Variants in TENM2 observed in about 807,000 individuals in gnomAD.
The protein encoded by TENM2 is teneurin transmembrane protein 2.
Under a neutral mutation model 245.2 loss-of-function variants are expected in TENM2, and 52 were observed. The ratio of observed to expected loss-of-function variants is 0.21; its 90% CI spans 0.17 to 0.27. The LOEUF (loss-of-function observed/expected upper bound fraction) is 0.27, where lower values mean the gene tolerates loss of function less well. Ranked by LOEUF, TENM2 falls within the 10% of genes least tolerant of loss-of-function variation. The pLI is 1.00. For missense variants in TENM2, 3,046 were observed against 3,666.8 expected (o/e 0.83, Z 4.37); for synonymous variants, 1,363 against 1,438.9 (o/e 0.95, Z 1.19).
At chr5:167,438,961 T>C (rs1764733736) in intron 2 of TENM2, among the ~76,000 whole-genome samples, 1 of 151,812 alleles carries the variant, frequency 6.6e-6, no homozygotes, top group Non-Finnish European at 1.5e-5. Flanking sequence ...GCTCGGCTAG[T>C]TTTTTGTATT....
chr5:167,691,507 T>G (rs1283375299), intron 2 of TENM2, among the ~76,000 whole-genome samples: 4 of 152,196 alleles, frequency 2.6e-5, no homozygotes, highest in African/African-American at 9.6e-5. Flanking sequence ...TCAGTTTAAA[T>G]TGAATAGTGT....
At chr5:168,008,816 G>C (rs1785015181) in intron 5 of TENM2, among the ~76,000 whole-genome samples, 1 of 152,120 alleles carries the variant, frequency 6.6e-6, no homozygotes, top group Non-Finnish European at 1.5e-5. Context: ...TTCTCTAAAA[G>C]CATGGTTGGC....
chr5:167,055,311 T>C, the TENM2 span, among the ~76,000 whole-genome samples: 1 of 152,134 alleles, frequency 6.6e-6, no homozygotes, highest in Non-Finnish European at 1.5e-5. Flanking sequence ...CTTGCTCCAT[T>C]GTATTGCTTT....
chr5:167,156,526 G>A, the TENM2 span, among the ~76,000 whole-genome samples: 1 of 152,142 alleles, frequency 6.6e-6, no homozygotes, highest in African/African-American at 2.4e-5. Flanking sequence ...CATTGCTCCT[G>A]AGGAGCTCTG....
At chr5:167,456,221 T>C (rs1432010568) in intron 2 of TENM2, among the ~76,000 whole-genome samples, 1 of 152,196 alleles carries the variant, frequency 6.6e-6, no homozygotes, top group Admixed American at 6.5e-5. Flanking sequence ...GTTACTTATT[T>C]ACACTCCAGT....
At chr5:167,113,619 G>C in the TENM2 span, among the ~76,000 whole-genome samples, 1 of 150,280 alleles carries the variant, frequency 6.7e-6, no homozygotes, top group South Asian at 2.1e-4. Context: ...TTTCATCCTG[G>C]GCAACAGAGC....
chr5:168,133,859 A>C (rs1437686053), intron 12 of TENM2, among the ~76,000 whole-genome samples: 1 of 152,358 alleles, frequency 6.6e-6, no homozygotes, highest in East Asian at 1.9e-4. Flanking sequence ...GTTTTTAAGA[A>C]CACAGGATTT....
At chr5:167,006,386 C>T in the TENM2 span, among the ~76,000 whole-genome samples, 1 of 152,140 alleles carries the variant, frequency 6.6e-6, no homozygotes, top group African/African-American at 2.4e-5. Flanking sequence ...GTTGTTTTAT[C>T]ATTTAATTTC....
chr5:168,262,707 G>A (rs1218306162), exon 29 of TENM2: 1 of 1,611,026 alleles, frequency 6.2e-7, no homozygotes, highest in East Asian at 2.2e-5. Flanking sequence ...CGCGTGCAAG[G>A]GTACGAGGGA....
intron 5 of TENM2, among the ~76,000 whole-genome samples, chr5:168,015,081 C>G (rs968570676): frequency 2.0e-5 from 3 of 152,206 alleles, no homozygotes; most frequent in Non-Finnish European, 4.4e-5. Context: ...TCAGCCAGTA[C>G]TCTGCTACCA....
chr5:167,563,916 G>T (rs1050501979), intron 2 of TENM2, among the ~76,000 whole-genome samples: 7 of 152,150 alleles, frequency 4.6e-5, no homozygotes, highest in Non-Finnish European at 1.0e-4. Flanking sequence ...TTGTGTAAGT[G>T]CACTCTATGA....
At chr5:167,698,734 A>T (rs1486916873) in intron 2 of TENM2, among the ~76,000 whole-genome samples, 2 of 135,218 alleles carry the variant, frequency 1.5e-5, no homozygotes, top group African/African-American at 5.9e-5. Context: ...CCCCGGCTAG[A>T]GTGCAGTGGT....
At chr5:167,741,449 G>A (rs1285087170) in intron 2 of TENM2, among the ~76,000 whole-genome samples, 1 of 152,170 alleles carries the variant, frequency 6.6e-6, no homozygotes, top group Admixed American at 6.5e-5. Context: ...CTTAAAGTGT[G>A]TTGTTCTCTT....
chr5:167,242,629 T>C, the TENM2 span, among the ~76,000 whole-genome samples: 1 of 152,234 alleles, frequency 6.6e-6, no homozygotes, highest in Non-Finnish European at 1.5e-5. Context: ...ACTTAATGAA[T>C]AGTAAATATA....
At chr5:168,074,445 G>A (rs1344277739) in intron 7 of TENM2, among the ~76,000 whole-genome samples, 1 of 152,086 alleles carries the variant, frequency 6.6e-6, no homozygotes, top group Non-Finnish European at 1.5e-5. Flanking sequence ...TTCAGCCTCT[G>A]AAACCCTCCA....
intron 2 of TENM2, among the ~76,000 whole-genome samples, chr5:167,771,306 C>T (rs977487729): frequency 3.9e-5 from 6 of 152,150 alleles, no homozygotes; most frequent in Non-Finnish European, 7.4e-5. Flanking sequence ...CCTACCTCAG[C>T]AGAGGATGTT....
chr5:167,574,605 T>TA (rs373226521), intron 2 of TENM2, among the ~76,000 whole-genome samples: 155 of 152,260 alleles, frequency 1.0e-3, no homozygotes, highest in African/African-American at 3.2e-3. Flanking sequence ...CCAAATGAAA[T>TA]ATGAAGTTAA....
intron 3 of TENM2, among the ~76,000 whole-genome samples, chr5:167,891,542 T>A (rs753790013): frequency 1.3e-5 from 2 of 152,202 alleles, no homozygotes; most frequent in Admixed American, 6.5e-5. Flanking sequence ...CCTTATTACA[T>A]AGCTGGGGCT....
At chr5:168,228,091 G>C in exon 25 of TENM2, 1 of 1,613,778 alleles carries the variant, frequency 6.2e-7, no homozygotes, top group Admixed American at 1.7e-5. Flanking sequence ...GAAAGGAACA[G>C]ATTAAAGGCA....
Sources: allele counts gnomAD v4.1 joint callset (sites outside exome capture counted in the v4.1 genomes callset), GRCh38; gene constraint gnomAD v4.1.1; transcripts MANE v1.5; gene names NCBI Gene and HGNC (gene_info 2026-07-23, HGNC 2026-07-21).